DUSP11: variants seen among roughly 807,000 people sequenced by gnomAD.
DUSP11 encodes the protein RNA/RNP complex-1-interacting phosphatase.
Under a neutral mutation model 41.4 loss-of-function variants are expected in DUSP11, and 27 were observed. The observed-to-expected ratio is 0.65, with a 90% CI of 0.48 to 0.90. The LOEUF is 0.90. DUSP11 is among the 40% of genes least tolerant of loss of function. The probability of loss-of-function intolerance (pLI) is 0.00; values close to 1 mark genes in which losing one functional copy is unlikely to be tolerated. For missense variants in DUSP11, 465 were observed against 461.1 expected, an observed-to-expected ratio of 1.01 and a Z score of -0.08; for synonymous variants, 188 against 159.3, an observed-to-expected ratio of 1.18 and a Z score of -1.35.
chr2:73,766,328 G>C (rs1369995040), intron 8 of DUSP11, 90 bp downstream of exon 8: 2 of 1,090,390 alleles, frequency 1.8e-6, no homozygotes, highest in Non-Finnish European at 2.6e-6. Flanking sequence ...AAAAAACGAA[G>C]AATTCCTCAT....
At chr2:73,764,591 C>T (rs1196193476) in intron 8 of DUSP11, among the ~76,000 whole-genome samples, 3 of 152,196 alleles carry the variant, frequency 2.0e-5, no homozygotes, top group African/African-American at 7.2e-5. Context: ...TATCCAAGAT[C>T]ACAAAGCAGG....
At chr2:73,780,073 G>C (rs764581635) in exon 1 of DUSP11, 46 of 1,596,552 alleles carry the variant, frequency 2.9e-5, no homozygotes, top group Middle Eastern at 1.7e-4. Flanking sequence ...GAAAAGACTC[G>C]GCAGCCACCT....
chr2:73,771,112 A>G (rs1247838385), intron 4 of DUSP11, among the ~76,000 whole-genome samples: 1 of 152,198 alleles, frequency 6.6e-6, no homozygotes, highest in East Asian at 1.9e-4. Flanking sequence ...CAAAGCACTT[A>G]TCACCATATA....
At position 73,767,074 on chromosome 2, in the gene DUSP11, CTTT is replaced by C. The variant is rs1672479741; in HGVS notation, c.682+84_682+86del. The C allele has an allele frequency of 1.0e-5, 15 of 1,428,668 alleles. No homozygotes were observed. In the South Asian group the frequency reaches 1.6e-4, roughly 15 times the overall value. The allele number at this position is 1,428,668 out of a possible 1,614,324, so 88.5% of individuals were successfully genotyped here. ...ATTGGAACAAACGAATTACAAACTT[CTTT>C]TTTTCCAAAATTTGATAAATTCTTC... On this transcript the variant is annotated intron_variant, in intron 6 of 8. Transcript: ENST00000272444.
chr2:73,776,746 G>C (rs1363701536), intron 2 of DUSP11, among the ~76,000 whole-genome samples: 1 of 152,156 alleles, frequency 6.6e-6, no homozygotes, highest in Non-Finnish European at 1.5e-5. Context: ...TTCTGAGCCT[G>C]TTTGATTATC....
At chr2:73,769,080 C>T in intron 5 of DUSP11, 185 bp downstream of exon 5, 1 of 528,816 alleles carries the variant, frequency 1.9e-6, no homozygotes. Context: ...ATGCTTGTAT[C>T]TGCATTTTTA....
intron 4 of DUSP11, among the ~76,000 whole-genome samples, chr2:73,772,610 G>T (rs1672605863): frequency 6.6e-6 from 1 of 152,210 alleles, no homozygotes; most frequent in Non-Finnish European, 1.5e-5. Context: ...AAAGAGCCTG[G>T]AAGCAGTGAA....
intron 8 of DUSP11, among the ~76,000 whole-genome samples, chr2:73,765,333 C>T (rs1672441486): frequency 6.6e-6 from 1 of 152,232 alleles, no homozygotes; most frequent in Non-Finnish European, 1.5e-5. Context: ...CTTGAGGACT[C>T]ATACCAGTGT....
chr2:73,778,063 T>C (rs1044994869), intron 2 of DUSP11, among the ~76,000 whole-genome samples: 2 of 151,848 alleles, frequency 1.3e-5, no homozygotes, highest in African/African-American at 4.8e-5. Flanking sequence ...ATAAATATTA[T>C]TTTATTATAA....
At chr2:73,771,745 GC>G (rs1390746134) in intron 4 of DUSP11, among the ~76,000 whole-genome samples, 2 of 146,764 alleles carry the variant, frequency 1.4e-5, no homozygotes, top group Non-Finnish European at 3.0e-5. Flanking sequence ...CTCATGATCT[GC>G]CCACCTCGGC....
intron 5 of DUSP11, 86 bp from the exon 6 acceptor site, chr2:73,767,293 G>A (rs1672483627): frequency 2.1e-6 from 2 of 953,008 alleles, no homozygotes; most frequent in South Asian, 2.8e-5. Flanking sequence ...TCAACTTATA[G>A]ACATAGATAT....
chr2:73,769,527 C>T (rs1214950023), intron 4 of DUSP11, among the ~76,000 whole-genome samples: 1 of 152,198 alleles, frequency 6.6e-6, no homozygotes, highest in African/African-American at 2.4e-5. Context: ...ATGTAAACTG[C>T]AAGCCTGGTC....
At chr2:73,762,576 G>T in exon 9 of DUSP11, 1 of 1,034,786 alleles carries the variant, frequency 9.7e-7, no homozygotes, top group African/African-American at 1.6e-5. Context: ...AAAGAAACCT[G>T]ATTAGACCTG....
intron 4 of DUSP11, among the ~76,000 whole-genome samples, chr2:73,770,936 G>A (rs960554146): frequency 6.6e-6 from 1 of 152,052 alleles, no homozygotes; most frequent in Non-Finnish European, 1.5e-5. Context: ...CATGCCTCAG[G>A]GACTTTGCAC....
chr2:73,779,958 T>G, exon 1 of DUSP11: 1 of 1,614,242 alleles, frequency 6.2e-7, no homozygotes, highest in East Asian at 2.2e-5. Flanking sequence ...ACTGCGGGGA[T>G]GATGCCACTG....
intron 2 of DUSP11, among the ~76,000 whole-genome samples, chr2:73,776,312 G>A (rs1283090936): frequency 6.6e-6 from 1 of 151,040 alleles, no homozygotes; most frequent in African/African-American, 2.4e-5. Flanking sequence ...CTACTCAGGA[G>A]GCAGAGGCAG....
At position 73,779,894 on chromosome 2, in the gene DUSP11, G is replaced by A. The variant is rs758639507; in HGVS notation, c.222C>T (p.Gly74=). 5.0e-6 allele frequency: 8 copies of A among 1,614,090 alleles called. No individual in the cohort carries two copies. In the African/African-American group the frequency reaches 5.3e-5, roughly 11 times the overall value. The change falls in exon 1 of 9, where the codon GGC becomes GGT. Residue 74 remains glycine, a synonymous_variant. Coordinates refer to ENST00000272444, the Ensembl canonical transcript of DUSP11. ...ACTACCTTTCGGGGATGTGGTTTCC[G>A]CCCTTCTTCTTGGCTGAGGAGCGTC...
intron 4 of DUSP11, among the ~76,000 whole-genome samples, chr2:73,771,036 T>C (rs571081918): frequency 6.6e-6 from 1 of 152,300 alleles, no homozygotes; most frequent in African/African-American, 2.4e-5. Flanking sequence ...AAATGACATC[T>C]TCATAAAGAG....
chr2:73,778,186 G>A (rs1672720008), intron 2 of DUSP11, 115 bp downstream of exon 2: 2 of 633,010 alleles, frequency 3.2e-6, no homozygotes, highest in South Asian at 4.6e-5. Context: ...TAGTAAAGGG[G>A]TCATTACAAA....
Sources: gnomAD v4.1 joint callset for allele counts (sites outside exome capture counted in the v4.1 genomes callset) on GRCh38, gnomAD v4.1.1 for gene constraint, MANE v1.5 for transcripts, NCBI Gene and HGNC (gene_info 2026-07-23, HGNC 2026-07-21) for gene names.